Variants in LNP1 observed in about 807,000 individuals in gnomAD.
LNP1 encodes the protein leukemia NUP98 fusion partner 1.
A neutral mutation model predicts 14.5 loss-of-function variants in LNP1; 12 were observed. That is an observed-to-expected ratio of 0.83 (90% CI 0.53 to 1.34). The LOEUF (loss-of-function observed/expected upper bound fraction) is 1.34. Among genes scored for constraint, LNP1 ranks in the 40% most tolerant of loss-of-function variants. The probability of loss-of-function intolerance (pLI) is 0.00; values close to 1 mark genes in which losing one functional copy is unlikely to be tolerated. For synonymous variants in LNP1, 75 were observed against 71.4 expected, an observed-to-expected ratio of 1.05 and a Z score of -0.26; for missense variants, 198 against 210.9, an observed-to-expected ratio of 0.94 and a Z score of 0.38.
chr3:100,441,937 T>G (rs1248788039), intron 2 of LNP1, among the ~76,000 whole-genome samples: 1 of 152,206 alleles, frequency 6.6e-6, no homozygotes, highest in Non-Finnish European at 1.5e-5. Flanking sequence ...AGTGCTGGGA[T>G]TACAGGCATG....
At position 100,455,971 on chromosome 3, in the gene LNP1, T is replaced by G; in HGVS notation, c.*45T>G. ...GACATCAGATGCTACTGTTTTGGTT[T>G]TTTTCTTTGAGCCCCAATTCACCAT... On this transcript the variant is annotated 3_prime_UTR_variant, in exon 4 of 4. Transcript: ENST00000383693. The G allele has an allele frequency of 1.9e-6, 3 of 1,563,756 alleles. No individual in the cohort carries two copies. Among genetic ancestry groups the G allele is most frequent in the East Asian group, 4.5e-5 (2 of 44,164 alleles).
intron 2 of LNP1, among the ~76,000 whole-genome samples, chr3:100,431,993 TA>T (rs1279405837): frequency 4.3e-3 from 4 of 934 alleles, no homozygotes; most frequent in South Asian, 0.038. Context: ...AGACCTTGTT[TA>T]TATATATATA....
chr3:100,454,648 GAT>G (rs1276714071), intron 3 of LNP1, among the ~76,000 whole-genome samples: 1 of 152,162 alleles, frequency 6.6e-6, no homozygotes, highest in East Asian at 1.9e-4. Flanking sequence ...GCATCTAAGA[GAT>G]GTGATAAAAT....
rs564157015 is a variant in LNP1 at position 100,408,796 on chromosome 3, C to T, written c.-34+6357C>T. Among the ~76,000 whole-genome samples the T allele has an allele frequency of 2.4e-4, 37 of 152,168 alleles. 1 individual carries two copies. In the South Asian group the frequency reaches 6.0e-3, roughly 25 times the overall value. On this transcript the variant is annotated intron_variant, in intron 1 of 3. Transcript: ENST00000383693. The stretch of plus-strand genomic sequence containing the variant: ...CTCCCAAGCAGACAATATCTTTTTC[C>T]GGGCTGTGCTGCCTGGTCTTGGGGG...
chr3:100,439,657 C>A (rs538109356), intron 2 of LNP1, among the ~76,000 whole-genome samples: 1 of 152,130 alleles, frequency 6.6e-6, no homozygotes, highest in Admixed American at 6.6e-5. Context: ...TCTACCTTCT[C>A]ATTGCACCTT....
chr3:100,413,203 G>T (rs1348385968), intron 1 of LNP1, among the ~76,000 whole-genome samples: 6 of 152,104 alleles, frequency 3.9e-5, no homozygotes, highest in Admixed American at 1.3e-4. Context: ...AGACCTGATT[G>T]GTTTATACTT....
Position 100,429,796 on chromosome 3 carries a change from C to G in LNP1, c.67C>G (p.His23Asp). Residue 23 changes from histidine to aspartate, a missense_variant, in exon 2 of 4, where the codon CAC becomes GAC. His to Asp is a moderately conservative substitution (Grantham distance 81). Coordinates refer to ENST00000383693, the MANE Select transcript of LNP1 (RefSeq NM_001085451.2). Reference protein sequence around the residue: ...FAKWMSSFWGHSWREEDQRGL... With the variant: ...FAKWMSSFWGDSWREEDQRGL... Reference sequence around the variant, plus strand: ...CAAATGGATGAGCAGCTTCTGGGGCCACAGCTGGAGAGAGGAGGATCAGAG... The same window carrying G: ...CAAATGGATGAGCAGCTTCTGGGGCGACAGCTGGAGAGAGGAGGATCAGAG... The G allele has an allele frequency of 6.2e-7, 1 of 1,613,810 alleles. No individual in the cohort carries two copies. The highest frequency in any genetic ancestry group is 8.5e-7 in the Non-Finnish European group (1 of 1,179,896).
chr3:100,440,036 T>C (rs926442939), intron 2 of LNP1, among the ~76,000 whole-genome samples: 2 of 152,198 alleles, frequency 1.3e-5, no homozygotes, highest in Non-Finnish European at 2.9e-5. Context: ...AAGTCCAAGA[T>C]TAAAGCTTCT....
chr3:100,407,689 T>G lies in LNP1; in HGVS notation c.-34+5250T>G, dbSNP rs1706983301. Among the ~76,000 whole-genome samples the G allele has an allele frequency of 6.6e-5, 10 of 152,352 alleles. No individual in the cohort carries two copies. In the South Asian group the frequency reaches 2.1e-3, roughly 32 times the overall value. ...TGCTTTAAATAAGCCTTTTACACCC[T>G]TATCTTTCTCTACTCCCTCTTGAAT... On this transcript the variant is annotated intron_variant, in intron 1 of 3. Transcript: ENST00000383693.
intron 1 of LNP1, among the ~76,000 whole-genome samples, chr3:100,418,172 G>A (rs1707106015): frequency 6.8e-6 from 1 of 148,076 alleles, no homozygotes. Flanking sequence ...CAAATCTCCT[G>A]CCTCAGTCTC....
rs554899465 is a variant in LNP1 at position 100,405,211 on chromosome 3, A to T, written c.-34+2772A>T. Among the ~76,000 whole-genome samples the T allele has an allele frequency of 1.6e-4, 25 of 152,340 alleles. No individual in the cohort carries two copies. The South Asian group carries it at 5.2e-3, about 32-fold the overall frequency. ...CTTACCTACCCAAGCACAAATGATT[A>T]TGCTGTTGTATTTATATACACACAT... On this transcript the variant is annotated intron_variant, in intron 1 of 3. Transcript: ENST00000383693.
intron 1 of LNP1, among the ~76,000 whole-genome samples, chr3:100,411,438 G>C (rs1181132775): frequency 6.6e-6 from 1 of 152,216 alleles, no homozygotes; most frequent in Non-Finnish European, 1.5e-5. Context: ...TGGGATGAAT[G>C]ATGAATGTAT....
At chr3:100,437,421 T>A (rs1236634996) in intron 2 of LNP1, among the ~76,000 whole-genome samples, 2 of 152,184 alleles carry the variant, frequency 1.3e-5, no homozygotes, top group Non-Finnish European at 2.9e-5. Flanking sequence ...TTGCATTGAT[T>A]TAGTGTGTAA....
At chr3:100,450,473 A>G (rs1049174255) in intron 2 of LNP1, among the ~76,000 whole-genome samples, 1 of 151,878 alleles carries the variant, frequency 6.6e-6, no homozygotes, top group African/African-American at 2.4e-5. Flanking sequence ...AGCTGGGACT[A>G]CAGGCACACA....
chr3:100,446,924 C>G (rs917701856), intron 2 of LNP1, among the ~76,000 whole-genome samples: 1 of 151,968 alleles, frequency 6.6e-6, no homozygotes, highest in Non-Finnish European at 1.5e-5. Flanking sequence ...CCAGTTAGAA[C>G]GGCAATCATT....
intron 3 of LNP1, among the ~76,000 whole-genome samples, chr3:100,453,797 A>G (rs1707483579): frequency 6.6e-6 from 1 of 152,132 alleles, no homozygotes. Flanking sequence ...ACATTCTCTG[A>G]CATAAACACA....
chr3:100,455,910 A>C lies in LNP1; in HGVS notation c.521A>C (p.Glu174Ala). 2 of 1,611,678 alleles carry C rather than the reference A, an allele frequency of 1.2e-6. No individual in the cohort carries two copies. ...HGEAHMAPLF[E>A]KGPE ...GAAGCACACATGGCTCCCCTGTTTG[A>C]AAAAGGGCCTGAATAATACTCTGCT... Residue 174 changes from glutamate to alanine, a missense_variant, in exon 4 of 4, where the codon GAA becomes GCA. Coordinates refer to ENST00000383693, the MANE Select transcript of LNP1 (RefSeq NM_001085451.2).
chr3:100,419,845 G>A (rs1034718762), intron 1 of LNP1, among the ~76,000 whole-genome samples: 5 of 152,076 alleles, frequency 3.3e-5, no homozygotes, highest in African/African-American at 1.2e-4. Flanking sequence ...TCATGTGCAG[G>A]CTCTTGCATG....
intron 1 of LNP1, among the ~76,000 whole-genome samples, chr3:100,426,263 A>G (rs983457533): frequency 1.3e-5 from 2 of 152,252 alleles, no homozygotes; most frequent in African/African-American, 4.8e-5. Flanking sequence ...CAAACCTGCA[A>G]TAGTCCCCGA....
Sources: gnomAD v4.1 joint callset for allele counts (sites outside exome capture counted in the v4.1 genomes callset) on GRCh38, gnomAD v4.1.1 for gene constraint, MANE v1.5 for transcripts, NCBI Gene and HGNC (gene_info 2026-07-23, HGNC 2026-07-21) for gene names.